Variants in SCN11A observed in about 807,000 individuals in gnomAD.
SCN11A encodes sodium channel protein type 11 subunit alpha.
A neutral mutation model predicts 162.2 loss-of-function variants in SCN11A; 122 were observed. That is an observed-to-expected ratio of 0.75 (90% CI 0.65 to 0.87). The LOEUF is 0.87. Ranked by LOEUF, SCN11A falls within the 40% of genes least tolerant of loss-of-function variation. SCN11A has a pLI of 0.00. For synonymous variants in SCN11A, 758 were observed against 751.5 expected (o/e 1.01, Z -0.14); for missense variants, 2,015 against 2,181.6 (o/e 0.92, Z 1.52).
chr3:39,002,107 T>C (rs2030834024), intron 2 of SCN11A, among the ~76,000 whole-genome samples: 1 of 152,196 alleles, frequency 6.6e-6, no homozygotes, highest in African/African-American at 2.4e-5. Context: ...CAGAAATCAA[T>C]TGACCATAGA....
intron 7 of SCN11A, among the ~76,000 whole-genome samples, chr3:38,931,305 A>G (rs980904587): frequency 1.3e-5 from 2 of 152,180 alleles, no homozygotes; most frequent in Admixed American, 1.3e-4. Context: ...CCCTACAAAG[A>G]CACCACCTAG....
At position 39,014,033 on chromosome 3, in the gene SCN11A, A is replaced by C. The variant is rs932827247; in HGVS notation, c.-280+18347T>G. On this transcript the variant is annotated intron_variant, in intron 2 of 29. Transcript: ENST00000302328. ...ACATCCTTTTTCCATTACCCATTCC[A>C]TAATACCTTTGCCTTCGAGCAGAAC... 2.6e-5 allele frequency among the ~76,000 whole-genome samples: 4 copies of C among 152,318 alleles called. No individual in the cohort carries two copies. The South Asian group carries it at 8.3e-4, about 32-fold the overall frequency.
intron 1 of SCN11A, among the ~76,000 whole-genome samples, chr3:39,038,724 T>C (rs957771309): frequency 2.0e-5 from 3 of 152,236 alleles, no homozygotes; most frequent in Non-Finnish European, 4.4e-5. Context: ...ACTGATTTCG[T>C]ATCCACATTC....
At chr3:39,033,174 AG>A (rs2031808792) in intron 1 of SCN11A, among the ~76,000 whole-genome samples, 1 of 151,386 alleles carries the variant, frequency 6.6e-6, no homozygotes, top group Non-Finnish European at 1.5e-5. Context: ...AAAGAGAGAG[AG>A]AGAGAAAACT....
intron 2 of SCN11A, among the ~76,000 whole-genome samples, chr3:38,973,403 TACACACACAC>T (rs35521973): frequency 6.7e-6 from 1 of 148,292 alleles, no homozygotes; most frequent in Non-Finnish European, 1.5e-5. Flanking sequence ...GGTGTTGAGA[TACACACACAC>T]ACACACACAC....
At position 38,863,212 on chromosome 3, in the gene SCN11A, G is replaced by A. The variant is rs2064991803; in HGVS notation, c.4039C>T (p.Pro1347Ser). 1 of 1,587,060 alleles carries A rather than the reference G, an allele frequency of 6.3e-7. No individual in the cohort carries two copies. The highest frequency in any genetic ancestry group is 8.7e-7 in the Non-Finnish European group (1 of 1,155,734). The stretch of plus-strand genomic sequence containing the variant: ...GCTCTCACCAGAGGCCGTGGAATGG[G>A]TTTTTGAGGTTTTTTGGATCCTAAT... ...KKLGSKKPQK[P>S]IPRPLNKCQG... The change falls in exon 28 of 30, where the codon CCC (proline) becomes TCC (serine). Residue 1347 changes from proline to serine, a missense_variant. Pro to Ser is a moderately conservative substitution (Grantham distance 74). Transcript: ENST00000302328.
At chr3:38,941,631 A>C (rs1249132947) in intron 7 of SCN11A, among the ~76,000 whole-genome samples, 1 of 152,202 alleles carries the variant, frequency 6.6e-6, no homozygotes, top group Admixed American at 6.5e-5. Flanking sequence ...CTATTTTGCC[A>C]ATTTAACAAT....
chr3:39,016,776 T>G (rs934045549), intron 2 of SCN11A, among the ~76,000 whole-genome samples: 2 of 152,044 alleles, frequency 1.3e-5, no homozygotes, highest in Admixed American at 6.6e-5. Flanking sequence ...CTAATTTTTG[T>G]ATTTTTGGTA....
At chr3:38,853,970 T>A (rs1013951248) in intron 28 of SCN11A, among the ~76,000 whole-genome samples, 2 of 152,116 alleles carry the variant, frequency 1.3e-5, no homozygotes, top group Non-Finnish European at 2.9e-5. Flanking sequence ...TAGTACCTGA[T>A]AAAGCAGGAT....
intron 7 of SCN11A, among the ~76,000 whole-genome samples, chr3:38,941,277 T>A (rs1041288316): frequency 3.3e-5 from 5 of 152,154 alleles, no homozygotes; most frequent in African/African-American, 1.2e-4. Context: ...GAAAAACAAA[T>A]TGTCAAGCAC....
At chr3:38,990,955 T>G (rs556968834) in intron 2 of SCN11A, among the ~76,000 whole-genome samples, 19 of 151,832 alleles carry the variant, frequency 1.3e-4, no homozygotes, top group Non-Finnish European at 2.2e-4. Flanking sequence ...ATGCACAGAG[T>G]GGGGACTCTG....
chr3:38,973,137 G>A (rs1378496227), intron 2 of SCN11A, among the ~76,000 whole-genome samples: 1 of 152,144 alleles, frequency 6.6e-6, no homozygotes, highest in African/African-American at 2.4e-5. Context: ...GTTATAAGAT[G>A]TAGCATAGGT....
At chr3:38,884,468 T>C (rs948531210) in intron 21 of SCN11A, among the ~76,000 whole-genome samples, 3 of 152,220 alleles carry the variant, frequency 2.0e-5, no homozygotes, top group Non-Finnish European at 4.4e-5. Context: ...TTATAGATAA[T>C]TTTTTTAGAT....
At chr3:38,955,925 A>G (rs1043813581) in intron 3 of SCN11A, among the ~76,000 whole-genome samples, 1 of 152,222 alleles carries the variant, frequency 6.6e-6, no homozygotes, top group Non-Finnish European at 1.5e-5. Context: ...ACCATGGCAC[A>G]TGTATACCTA....
intron 2 of SCN11A, among the ~76,000 whole-genome samples, chr3:39,009,054 AC>A (rs1297513332): frequency 6.6e-6 from 1 of 152,130 alleles, no homozygotes; most frequent in Non-Finnish European, 1.5e-5. Context: ...TCATAAGTAT[AC>A]AAAAAAGTTT....
intron 2 of SCN11A, among the ~76,000 whole-genome samples, chr3:38,997,967 A>G (rs1031716709): frequency 2.0e-5 from 3 of 152,246 alleles, no homozygotes; most frequent in Non-Finnish European, 4.4e-5. Context: ...AGAGAATCCG[A>G]TTTTAAAAAT....
At chr3:39,005,877 G>A (rs1419384027) in intron 2 of SCN11A, among the ~76,000 whole-genome samples, 1 of 151,396 alleles carries the variant, frequency 6.6e-6, no homozygotes, top group African/African-American at 2.4e-5. Context: ...TGTTTTTTTT[G>A]TTTTGTTTTG....
intron 11 of SCN11A, among the ~76,000 whole-genome samples, chr3:38,917,893 C>T (rs1044953024): frequency 6.6e-6 from 1 of 152,042 alleles, no homozygotes; most frequent in African/African-American, 2.4e-5. Flanking sequence ...CCTGTTCCCC[C>T]AAAACCTACT....
intron 2 of SCN11A, among the ~76,000 whole-genome samples, chr3:38,992,863 C>T (rs1378061468): frequency 6.6e-6 from 1 of 152,202 alleles, no homozygotes; most frequent in African/African-American, 2.4e-5. Context: ...CTACCTTTCC[C>T]TCTTCCATTT....
Sources: allele counts gnomAD v4.1 joint callset (sites outside exome capture counted in the v4.1 genomes callset), GRCh38; gene constraint gnomAD v4.1.1; transcripts MANE v1.5; gene names NCBI Gene and HGNC (gene_info 2026-07-23, HGNC 2026-07-21).